EXT1: variants seen among roughly 807,000 people sequenced by gnomAD.
EXT1 encodes the protein exostosin-1.
In EXT1, 20 loss-of-function variants were observed where a neutral mutation model predicts 82.5. The ratio of observed to expected loss-of-function variants is 0.24; its 90% CI spans 0.17 to 0.35. EXT1 has a LOEUF of 0.35. Among genes scored for constraint, EXT1 ranks in the 10% least tolerant of loss-of-function variants. The pLI is 1.00. For synonymous variants in EXT1, 348 were observed against 350.8 expected (o/e 0.99, Z 0.09); for missense variants, 757 against 936.5 (o/e 0.81, Z 2.50).
intron 1 of EXT1, among the ~76,000 whole-genome samples, chr8:117,990,876 A>G (rs898958553): frequency 6.6e-6 from 1 of 152,234 alleles, no homozygotes; most frequent in Non-Finnish European, 1.5e-5. Context: ...AAGTGTCAAC[A>G]GGCTCTACAG....
rs566911188 is a variant in EXT1 at position 117,795,167 on chromosome 8, C to G, written c.*4545G>C. On this transcript the variant is annotated 3_prime_UTR_variant, in exon 11 of 11. Coordinates refer to ENST00000378204, the MANE Select transcript of EXT1 (RefSeq NM_000127.3). ...AGACTGTGCTATCCTGAGGGCTCAG[C>G]TTTCTCAAGGTTTGCCTTCTTCTCC... 5 of 152,296 alleles carry G rather than the reference C, an allele frequency of 3.3e-5. No homozygotes were observed. The South Asian group carries it at 8.3e-4, about 25-fold the overall frequency. The allele number at this position is 152,296 out of a possible 1,614,324, so 9.4% of individuals were successfully genotyped here.
intron 1 of EXT1, among the ~76,000 whole-genome samples, chr8:118,059,724 T>C (rs1032873125): frequency 6.6e-6 from 1 of 152,218 alleles, no homozygotes; most frequent in African/African-American, 2.4e-5. Context: ...CTTCAAGACC[T>C]TTACTTCCGC....
chr8:117,843,330 G>A (rs1216714726), intron 1 of EXT1, among the ~76,000 whole-genome samples: 1 of 152,178 alleles, frequency 6.6e-6, no homozygotes, highest in Non-Finnish European at 1.5e-5. Flanking sequence ...TCAGCGAGAG[G>A]AGTGCTAGGA....
rs144502418 is a variant in EXT1, at chr8:117,985,831, T to C, written c.962+124254A>G. Among the ~76,000 whole-genome samples the C allele has an allele frequency of 8.7e-3, 1,324 of 152,336 alleles. 10 individuals carry two copies. Among genetic ancestry groups the C allele is most frequent in the Non-Finnish European group, 0.014 (972 of 68,030 alleles). ...AGCTCTTTGGCTAATTTATCACTTT[T>C]ATGGTTTAAACAAATCTGAAATGTT... On this transcript the variant is annotated intron_variant, in intron 1 of 10. Coordinates refer to ENST00000378204, the MANE Select transcript of EXT1 (RefSeq NM_000127.3).
At chr8:118,044,131 G>C (rs973623645) in intron 1 of EXT1, among the ~76,000 whole-genome samples, 7 of 152,086 alleles carry the variant, frequency 4.6e-5, no homozygotes, top group African/African-American at 1.7e-4. Context: ...TGGATTTTTT[G>C]TTCCCCTTTA....
At chr8:117,934,468 G>A (rs1040786364) in intron 1 of EXT1, among the ~76,000 whole-genome samples, 4 of 152,210 alleles carry the variant, frequency 2.6e-5, no homozygotes, top group African/African-American at 7.2e-5. Flanking sequence ...AGACCAGGAC[G>A]TGGTTTCCCA....
At chr8:117,931,879 C>A (rs1442175376) in intron 1 of EXT1, among the ~76,000 whole-genome samples, 1 of 152,142 alleles carries the variant, frequency 6.6e-6, no homozygotes, top group Non-Finnish European at 1.5e-5. Context: ...TTTTTGATCA[C>A]TTGAAATGTT....
At chr8:117,955,872 T>C (rs1033459678) in intron 1 of EXT1, among the ~76,000 whole-genome samples, 1 of 152,156 alleles carries the variant, frequency 6.6e-6, no homozygotes, top group African/African-American at 2.4e-5. Flanking sequence ...ATATATTTCT[T>C]ATCATGTCAC....
intron 1 of EXT1, among the ~76,000 whole-genome samples, chr8:117,951,383 G>A (rs1477674807): frequency 6.6e-6 from 1 of 152,174 alleles, no homozygotes; most frequent in Non-Finnish European, 1.5e-5. Flanking sequence ...GCAGACTCCT[G>A]TTTTTGTGAT....
At chr8:117,947,453 G>A (rs754774693) in intron 1 of EXT1, among the ~76,000 whole-genome samples, 1 of 152,142 alleles carries the variant, frequency 6.6e-6, no homozygotes, top group African/African-American at 2.4e-5. Context: ...TCGCTTAAGT[G>A]CTGGCACCAC....
Position 117,807,288 on chromosome 8 carries a change from C to G in EXT1, c.1812G>C (p.Glu604Asp). ...ARSHFWDNSK[E>D]RWGYTSKWTN... ...TCCACTTTGATGTGTATCCCCACCG[C>G]TCCTTAGAGTTATCCCAGAAGTGGC... The change falls in exon 9 of 11, where the codon GAG becomes GAC. Residue 604 changes from glutamate (E) to aspartate (D), a missense_variant. This residue lies in a region of EXT1 where 128 missense variants were observed against 223.2 expected (regional missense o/e 0.57). Transcript: ENST00000378204. 3.1e-6 allele frequency: 5 copies of G among 1,614,216 alleles called. No homozygotes were observed. Among genetic ancestry groups the G allele is most frequent in the Non-Finnish European group, 4.2e-6 (5 of 1,180,042 alleles).
intron 1 of EXT1, among the ~76,000 whole-genome samples, chr8:118,046,325 G>A (rs1816622310): frequency 6.6e-6 from 1 of 152,174 alleles, no homozygotes; most frequent in South Asian, 2.1e-4. Context: ...GCTAAGGCCT[G>A]CTGGAAAGCT....
intron 1 of EXT1, among the ~76,000 whole-genome samples, chr8:118,052,935 G>C: frequency 6.6e-6 from 1 of 152,178 alleles, no homozygotes. Flanking sequence ...CTAGACTGTT[G>C]CAGTGTTGGG....
At chr8:117,806,082 C>CTAAA (rs931181485) in intron 9 of EXT1, among the ~76,000 whole-genome samples, 28 of 152,288 alleles carry the variant, frequency 1.8e-4, no homozygotes, top group African/African-American at 6.0e-4. Context: ...AGGCATCATG[C>CTAAA]TAAAGCATCT....
chr8:117,966,871 C>G (rs1814822283), intron 1 of EXT1, among the ~76,000 whole-genome samples: 1 of 152,140 alleles, frequency 6.6e-6, no homozygotes, highest in East Asian at 1.9e-4. Flanking sequence ...TATTGAGAAA[C>G]CAATTTTCTC....
At chr8:117,894,657 G>A (rs940794581) in intron 1 of EXT1, among the ~76,000 whole-genome samples, 23 of 152,224 alleles carry the variant, frequency 1.5e-4, no homozygotes, top group Admixed American at 1.2e-3. Flanking sequence ...CTATGAATTA[G>A]TTATGCCACA....
At chr8:117,869,796 A>C (rs1812839175) in intron 1 of EXT1, among the ~76,000 whole-genome samples, 1 of 152,156 alleles carries the variant, frequency 6.6e-6, no homozygotes, top group African/African-American at 2.4e-5. Context: ...ATTTTCCCTC[A>C]TATTTATATT....
intron 1 of EXT1, among the ~76,000 whole-genome samples, chr8:117,971,189 T>C (rs1814932322): frequency 6.6e-6 from 1 of 151,878 alleles, no homozygotes. Flanking sequence ...GGGGAGGGAG[T>C]GGACTGCAAC....
In EXT1 at chr8:118,033,743, G is replaced by T. The variant is rs534520346; in HGVS notation, c.962+76342C>A. ...AATCCTTCTGCTTCGGCCTCTGAAA[G>T]TGCTGGGATTACAGGTGTGAGCCAT... On this transcript the variant is annotated intron_variant, in intron 1 of 10. Transcript: ENST00000378204. 5.3e-5 allele frequency among the ~76,000 whole-genome samples: 8 copies of T among 152,258 alleles called. No individual in the cohort carries two copies. The South Asian group carries it at 1.7e-3, about 32-fold the overall frequency.
Sources: allele counts gnomAD v4.1 joint callset (sites outside exome capture counted in the v4.1 genomes callset), GRCh38; gene constraint gnomAD v4.1.1; regional missense constraint gnomAD v4.1.1; transcripts MANE v1.5; gene names NCBI Gene and HGNC (gene_info 2026-07-23, HGNC 2026-07-21).